The following RGS17 variants were observed in gnomAD, a reference collection of about 807,000 sequenced individuals.
The protein encoded by RGS17 is regulator of G protein signaling 17.
RGS17 carries 12 observed loss-of-function variants against 25.5 expected under a neutral mutation model. The ratio of observed to expected loss-of-function variants is 0.47; its 90% CI spans 0.30 to 0.76. The LOEUF (loss-of-function observed/expected upper bound fraction) is 0.76, where lower values mean the gene tolerates loss of function less well. Among genes scored for constraint, RGS17 ranks in the 30% least tolerant of loss-of-function variants. The pLI, the probability that RGS17 is intolerant of heterozygous loss-of-function variation, is 0.07. For missense variants in RGS17, 196 were observed against 242.2 expected, an observed-to-expected ratio of 0.81 and a Z score of 1.27; for synonymous variants, 71 against 76.9, an observed-to-expected ratio of 0.92 and a Z score of 0.40.
chr6:153,026,792 T>C (rs141441205), intron 2 of RGS17, among the ~76,000 whole-genome samples: 1 of 152,270 alleles, frequency 6.6e-6, no homozygotes, highest in South Asian at 2.1e-4. Context: ...ATATTCTGAC[T>C]TCATCCTTAC....
chr6:153,125,261 T>C (rs974227581), intron 1 of RGS17, among the ~76,000 whole-genome samples: 3 of 152,182 alleles, frequency 2.0e-5, no homozygotes, highest in Admixed American at 2.0e-4. Context: ...AATCATTGAC[T>C]ACAATAGAAT....
At chr6:153,018,464 C>T (rs1236632957) in intron 4 of RGS17, among the ~76,000 whole-genome samples, 1 of 152,152 alleles carries the variant, frequency 6.6e-6, no homozygotes, top group Non-Finnish European at 1.5e-5. Context: ...TGTTGTGAGA[C>T]TCAGACTGTA....
In RGS17 at chr6:153,130,239, G is replaced by C. The variant is rs934224451; in HGVS notation, c.-26+885C>G. Among the ~76,000 whole-genome samples the C allele has an allele frequency of 4.6e-5, 7 of 152,168 alleles. No individual in the cohort carries two copies. Among genetic ancestry groups the C allele is most frequent in the African/African-American group, 1.7e-4 (7 of 41,452 alleles). On this transcript the variant is annotated intron_variant, in intron 1 of 4. Transcript: ENST00000206262. The surrounding 1 kb of genome is among the most constrained non-coding windows in gnomAD (Gnocchi z 6.4). ...TCGATGAGGGACAGCAGGGAGGCTG[G>C]CGGGGAGGCAGAGATTAAACTATGA...
At chr6:153,069,502 G>C (rs1203911932) in intron 1 of RGS17, among the ~76,000 whole-genome samples, 2 of 151,914 alleles carry the variant, frequency 1.3e-5, no homozygotes, top group African/African-American at 2.4e-5. Context: ...TGGATAATGG[G>C]TGGAAAAAAA....
chr6:153,071,062 T>C (rs1012486522), intron 1 of RGS17, among the ~76,000 whole-genome samples: 2 of 150,424 alleles, frequency 1.3e-5, no homozygotes, highest in Non-Finnish European at 3.0e-5. Flanking sequence ...TATACGCATA[T>C]GTACATATAC....
At chr6:153,019,832 T>A (rs1779221221) in intron 4 of RGS17, among the ~76,000 whole-genome samples, 1 of 152,112 alleles carries the variant, frequency 6.6e-6, no homozygotes, top group Non-Finnish European at 1.5e-5. Flanking sequence ...TATTTCTTTA[T>A]AGCAATGCAA....
intron 1 of RGS17, among the ~76,000 whole-genome samples, chr6:153,051,730 C>G (rs916682918): frequency 3.3e-5 from 5 of 152,108 alleles, no homozygotes; most frequent in Non-Finnish European, 7.3e-5. Context: ...AGGGACTTAT[C>G]AAACAACAAG....
rs191270480 is a variant in RGS17, at chr6:153,057,994, C to A, written c.-25-13951G>T. On this transcript the variant is annotated intron_variant, in intron 1 of 4. Coordinates refer to ENST00000206262, the MANE Select transcript of RGS17 (RefSeq NM_012419.5). ...AACAGGCCACAGACCAATACCTGTC[C>A]ATGGACCAGGGGTTGGGGACCCCTG... is the stretch of plus-strand genomic sequence containing the variant. Among the ~76,000 whole-genome samples the A allele has an allele frequency of 5.8e-3, 888 of 152,330 alleles. 4 individuals are homozygous for A. Among genetic ancestry groups the A allele is most frequent in the Non-Finnish European group, 0.01 (703 of 68,026 alleles).
intron 2 of RGS17, among the ~76,000 whole-genome samples, chr6:153,035,803 A>T (rs528154610): frequency 6.6e-6 from 1 of 152,278 alleles, no homozygotes; most frequent in South Asian, 2.1e-4. Context: ...GGAGGAGCAT[A>T]TGGGGTCTTA....
In RGS17 at chr6:153,011,435, C is replaced by A. The variant is rs1270025892; in HGVS notation, c.*139G>T. 1.6e-6 allele frequency: 1 copy of A among 612,252 alleles called. No homozygotes were observed. 37.9% of individuals were successfully genotyped at this position (612,252 alleles called of 1,614,324 possible). On this transcript the variant is annotated 3_prime_UTR_variant, in exon 5 of 5. Coordinates refer to ENST00000206262, the MANE Select transcript of RGS17 (RefSeq NM_012419.5). ...TGGAAAACCTTGATAAAAATGGAGA[C>A]AAAGACCATAACGGTTGTGTTTTCA...
At chr6:153,049,866 A>G (rs1030554164) in intron 1 of RGS17, among the ~76,000 whole-genome samples, 1 of 152,218 alleles carries the variant, frequency 6.6e-6, no homozygotes, top group Admixed American at 6.5e-5. Flanking sequence ...GACTGAAGAC[A>G]TGTCTGAAAA....
Position 153,011,589 on chromosome 6 carries a change from A to G in RGS17, c.618T>C (p.Ser206=). The G allele has an allele frequency of 1.9e-6, 3 of 1,605,352 alleles. No individual in the cohort carries two copies. Among genetic ancestry groups the G allele is most frequent in the Non-Finnish European group, 2.6e-6 (3 of 1,175,002 alleles). The change falls in exon 5 of 5, where the codon TCT becomes TCC. Residue 206 remains serine (S), a synonymous_variant. Transcript: ENST00000206262. ...YKSFVESTAG[S]SSES ...TAAATGAACATTAAGATTCAGAAGA[A>G]GAGCCAGCAGTACTTTCAACAAATG...
At chr6:153,030,625 T>C (rs1779352033) in intron 2 of RGS17, among the ~76,000 whole-genome samples, 1 of 152,212 alleles carries the variant, frequency 6.6e-6, no homozygotes, top group Non-Finnish European at 1.5e-5. Flanking sequence ...AAGTTCCTGG[T>C]GCAAAAATGA....
intron 1 of RGS17, among the ~76,000 whole-genome samples, chr6:153,054,050 TG>T (rs1776512496): frequency 1.3e-5 from 1 of 75,844 alleles, no homozygotes; most frequent in Non-Finnish European, 2.3e-5. Context: ...TATGTATATA[TG>T]TATATAATAT....
At chr6:153,121,657 C>T (rs928854827) in intron 1 of RGS17, among the ~76,000 whole-genome samples, 6 of 152,158 alleles carry the variant, frequency 3.9e-5, no homozygotes, top group East Asian at 1.9e-4. Context: ...TTATTCACTG[C>T]TGTTATTTTG....
chr6:153,052,318 G>A (rs1430861152), intron 1 of RGS17, among the ~76,000 whole-genome samples: 1 of 152,102 alleles, frequency 6.6e-6, no homozygotes, highest in African/African-American at 2.4e-5. Flanking sequence ...TTATTCTCCA[G>A]CCCTGAGATA....
intron 1 of RGS17, among the ~76,000 whole-genome samples, chr6:153,112,085 T>C (rs1245985673): frequency 1.3e-5 from 2 of 152,168 alleles, no homozygotes; most frequent in Non-Finnish European, 2.9e-5. Flanking sequence ...GAGAATGAGT[T>C]TGACGAATTG....
At chr6:153,030,924 G>C (rs1253495017) in intron 2 of RGS17, among the ~76,000 whole-genome samples, 1 of 152,182 alleles carries the variant, frequency 6.6e-6, no homozygotes, top group Non-Finnish European at 1.5e-5. Context: ...GATGGTACCT[G>C]TGCTTTTGCA....
intron 1 of RGS17, among the ~76,000 whole-genome samples, chr6:153,120,453 C>CA (rs912011046): frequency 6.6e-6 from 1 of 152,176 alleles, no homozygotes; most frequent in Non-Finnish European, 1.5e-5. Flanking sequence ...GGCTCTGACT[C>CA]AAACATTTTC....
Sources: gnomAD v4.1 joint callset for allele counts (sites outside exome capture counted in the v4.1 genomes callset) on GRCh38, gnomAD v4.1.1 for gene constraint, Gnocchi (gnomAD v3.1) non-coding constraint, MANE v1.5 for transcripts, NCBI Gene and HGNC (gene_info 2026-07-23, HGNC 2026-07-21) for gene names.